SESN1: variants seen among roughly 807,000 people sequenced by gnomAD.
The protein encoded by SESN1 is sestrin-1.
A neutral mutation model predicts 59.3 loss-of-function variants in SESN1; 30 were observed. The observed-to-expected ratio is 0.51, with a 90% CI of 0.38 to 0.69. The LOEUF is 0.69. SESN1 is among the 30% of genes least tolerant of loss of function. The pLI, the probability that SESN1 is intolerant of heterozygous loss-of-function variation, is 0.00. For missense variants in SESN1, 566 were observed against 673.0 expected (o/e 0.84, Z 1.76); for synonymous variants, 197 against 219.9 (o/e 0.90, Z 0.92).
At chr6:109,019,932 AC>A (rs932200594) in intron 1 of SESN1, among the ~76,000 whole-genome samples, 53 of 152,366 alleles carry the variant, frequency 3.5e-4, no homozygotes, top group African/African-American at 1.2e-3. Flanking sequence ...AATATTGCAC[AC>A]TAAATTTATA....
intron 1 of SESN1, among the ~76,000 whole-genome samples, chr6:109,047,925 C>G (rs1780478911): frequency 6.9e-6 from 1 of 145,726 alleles, no homozygotes. Flanking sequence ...TCACCACTCC[C>G]TAATCTCAAG....
intron 1 of SESN1, among the ~76,000 whole-genome samples, chr6:109,004,652 A>C (rs1045841811): frequency 6.6e-6 from 1 of 152,044 alleles, no homozygotes; most frequent in Non-Finnish European, 1.5e-5. Context: ...GGATGGTCTC[A>C]ATCTCCTGAC....
At chr6:109,035,434 G>A (rs533841445) in intron 1 of SESN1, among the ~76,000 whole-genome samples, 7 of 152,100 alleles carry the variant, frequency 4.6e-5, no homozygotes, top group African/African-American at 9.6e-5. Context: ...ATAAAAGGTC[G>A]GGAGAAAGCT....
At chr6:109,049,367 T>TAAA (rs1021137351) in intron 1 of SESN1, among the ~76,000 whole-genome samples, 2 of 151,668 alleles carry the variant, frequency 1.3e-5, no homozygotes, top group African/African-American at 4.8e-5. Flanking sequence ...GAGAGGTTAC[T>TAAA]AAAAGCTGGG....
intron 1 of SESN1, among the ~76,000 whole-genome samples, chr6:109,066,231 G>A (rs1780823034): frequency 6.6e-6 from 1 of 151,512 alleles, no homozygotes; most frequent in Non-Finnish European, 1.5e-5. Context: ...TCTTTCCCTA[G>A]AGCCTTTGCT....
rs998536279 is a variant in SESN1 at position 108,999,120 on chromosome 6, G to A, written c.730-365C>T. 3 of 165,010 alleles carry A rather than the reference G, an allele frequency of 1.8e-5. No homozygotes were observed. The East Asian group carries it at 5.3e-4, about 29-fold the overall frequency. The allele number at this position is 165,010 out of a possible 1,614,324, so 10.2% of individuals were successfully genotyped here. A position where few individuals can be genotyped will look rare whatever the true frequency, so the allele number is the denominator to read the frequency against. On this transcript the variant is annotated intron_variant, in intron 4 of 9. Transcript: ENST00000436639. Reference sequence around the variant, plus strand: ...AAATGTAATAAATTTGTGTTTAAAAGTAGAAGCTGCTGTGTGAAACGCCTG... The same window carrying A: ...AAATGTAATAAATTTGTGTTTAAAAATAGAAGCTGCTGTGTGAAACGCCTG...
intron 1 of SESN1, among the ~76,000 whole-genome samples, chr6:109,039,821 T>C (rs1261713287): frequency 6.6e-6 from 1 of 152,240 alleles, no homozygotes; most frequent in East Asian, 1.9e-4. Flanking sequence ...TAGAGTCTTG[T>C]TCATATAGAA....
chr6:109,027,904 C>T (rs895548304), intron 1 of SESN1, among the ~76,000 whole-genome samples: 8 of 151,952 alleles, frequency 5.3e-5, no homozygotes, highest in Non-Finnish European at 8.8e-5. Flanking sequence ...AACCTTTTGT[C>T]CATTTTTTAT....
chr6:109,005,307 A>C (rs1583267979), intron 1 of SESN1, among the ~76,000 whole-genome samples: 1 of 152,278 alleles, frequency 6.6e-6, no homozygotes, highest in Middle Eastern at 3.4e-3. Flanking sequence ...AATAATGGGG[A>C]AGGGGAGGAG....
At chr6:109,024,701 T>C (rs190263639) in intron 1 of SESN1, among the ~76,000 whole-genome samples, 3 of 152,240 alleles carry the variant, frequency 2.0e-5, no homozygotes, top group Non-Finnish European at 4.4e-5. Flanking sequence ...TAGCCTACAG[T>C]TGGGCAAAAT....
intron 1 of SESN1, among the ~76,000 whole-genome samples, chr6:109,052,336 C>T (rs114405716): frequency 1.3e-5 from 2 of 152,166 alleles, no homozygotes; most frequent in Non-Finnish European, 2.9e-5. Context: ...CAATGTTTTA[C>T]TGTAAAAGTG....
chr6:109,076,227 A>C (rs1001275597), intron 1 of SESN1, among the ~76,000 whole-genome samples: 1 of 152,224 alleles, frequency 6.6e-6, no homozygotes. Flanking sequence ...ACTAGTATGA[A>C]AACAGTTCAG....
At chr6:108,993,314 T>G (rs975099240) in intron 6 of SESN1, among the ~76,000 whole-genome samples, 14 of 152,216 alleles carry the variant, frequency 9.2e-5, no homozygotes, top group East Asian at 7.7e-4. Context: ...ATATGTAACA[T>G]GATCAAAGAA....
intron 1 of SESN1, among the ~76,000 whole-genome samples, chr6:109,072,820 T>C (rs149499882): frequency 0.011 from 1,664 of 152,266 alleles, 12 homozygotes; most frequent in South Asian, 0.027. Context: ...CCAGCTGTGT[T>C]TGTGACTTGA....
chr6:109,053,569 G>C (rs1780578319), intron 1 of SESN1, among the ~76,000 whole-genome samples: 1 of 152,172 alleles, frequency 6.6e-6, no homozygotes. Context: ...ACTAAGTAAG[G>C]ACACAGAAAG....
intron 1 of SESN1, among the ~76,000 whole-genome samples, chr6:109,050,964 G>A (rs146105865): frequency 1.5e-3 from 222 of 152,276 alleles, no homozygotes; most frequent in African/African-American, 5.1e-3. Flanking sequence ...ATGAGTGGAC[G>A]TTTGTTATGG....
At chr6:109,035,227 G>C (rs978826981) in intron 1 of SESN1, among the ~76,000 whole-genome samples, 1 of 151,818 alleles carries the variant, frequency 6.6e-6, no homozygotes, top group African/African-American at 2.4e-5. Context: ...CCCCAAAACA[G>C]CATTCATTTG....
At chr6:109,005,855 G>T (rs993931647) in intron 1 of SESN1, among the ~76,000 whole-genome samples, 2 of 152,156 alleles carry the variant, frequency 1.3e-5, no homozygotes, top group Non-Finnish European at 2.9e-5. Flanking sequence ...TGAGTCTTTT[G>T]TTATAGATTC....
Position 109,093,902 on chromosome 6 carries a change from A to T in SESN1, c.172T>A (p.Ser58Thr). ...RPSDGLSNTESSDGLNKLLAH... is the reference protein window; with the variant it reads ...RPSDGLSNTETSDGLNKLLAH... ...AGTAGCTTATTCAACCCATCCGAAGACTCGGTATTTGAAAGCCCGTCTGAT... is the reference window on the plus strand; with the variant it reads ...AGTAGCTTATTCAACCCATCCGAAGTCTCGGTATTTGAAAGCCCGTCTGAT... The change falls in exon 1 of 10, where the codon TCT becomes ACT. Residue 58 changes from serine (S) to threonine (T), a missense_variant. Ser to Thr is a moderately conservative substitution (Grantham distance 58). Coordinates refer to ENST00000436639, the MANE Select transcript of SESN1 (RefSeq NM_014454.3). 6.2e-7 allele frequency: 1 copy of T among 1,614,186 alleles called. No homozygotes were observed. The highest frequency in any genetic ancestry group is 8.5e-7 in the Non-Finnish European group (1 of 1,180,040).
Sources: allele counts gnomAD v4.1 joint callset (sites outside exome capture counted in the v4.1 genomes callset), GRCh38; gene constraint gnomAD v4.1.1; transcripts MANE v1.5; gene names NCBI Gene and HGNC (gene_info 2026-07-23, HGNC 2026-07-21).